RAB3GAP1: variants seen among roughly 807,000 people sequenced by gnomAD.
RAB3GAP1 encodes RAB3 GTPase activating protein catalytic subunit 1, also known as rab3 GTPase-activating protein catalytic subunit.
RAB3GAP1 carries 86 observed loss-of-function variants against 130.7 expected under a neutral mutation model. The observed-to-expected ratio is 0.66, with a 90% confidence interval of 0.55 to 0.79. The LOEUF (loss-of-function observed/expected upper bound fraction) is 0.79. Ranked by LOEUF, RAB3GAP1 falls within the 30% of genes least tolerant of loss-of-function variation. RAB3GAP1 has a pLI of 0.00. For synonymous variants in RAB3GAP1, 367 were observed against 401.7 expected, an observed-to-expected ratio of 0.91 and a Z score of 1.03; for missense variants, 1,029 against 1,169.4, an observed-to-expected ratio of 0.88 and a Z score of 1.75.
chr2:135,133,706 T>C (rs1357738093), intron 14 of RAB3GAP1, among the ~76,000 whole-genome samples, 155 bp from the exon 15 acceptor site: 1 of 152,154 alleles, frequency 6.6e-6, no homozygotes, highest in Non-Finnish European at 1.5e-5. Flanking sequence ...TTCCTAAGAA[T>C]AGTTTATGCA....
chr2:135,117,678 G>GCTTCTTCTT (rs201471272), intron 7 of RAB3GAP1, among the ~76,000 whole-genome samples: 6 of 98,468 alleles, frequency 6.1e-5, no homozygotes, highest in African/African-American at 1.9e-4. Context: ...TGCTTCTTCT[G>GCTTCTTCTT]CTTCTGCTTC....
At chr2:135,126,139 G>T (rs768586280) in intron 9 of RAB3GAP1, 42 bp from the exon 10 acceptor site, 1 of 1,368,846 alleles carries the variant, frequency 7.3e-7, no homozygotes, top group South Asian at 1.2e-5. Flanking sequence ...TATAATTGCT[G>T]AGTCAGTATT....
At chr2:135,086,394 A>G (rs1183636477) in intron 3 of RAB3GAP1, among the ~76,000 whole-genome samples, 1 of 152,104 alleles carries the variant, frequency 6.6e-6, no homozygotes, top group Non-Finnish European at 1.5e-5. Flanking sequence ...TCAGATTTTT[A>G]TATTTAGTCA....
At chr2:135,080,391 A>T (rs1198986550) in intron 3 of RAB3GAP1, among the ~76,000 whole-genome samples, 1 of 152,188 alleles carries the variant, frequency 6.6e-6, no homozygotes, top group Non-Finnish European at 1.5e-5. Flanking sequence ...AGATGAGAAG[A>T]TCATATATAC....
chr2:135,135,217 C>A (rs774655757), intron 15 of RAB3GAP1, 48 bp from the exon 16 acceptor site: 2 of 1,437,702 alleles, frequency 1.4e-6, no homozygotes, highest in African/African-American at 1.4e-5. Context: ...ATATCTGAAG[C>A]AATTTTACTA....
At chr2:135,056,230 TCTCA>T (rs1011276498) in intron 2 of RAB3GAP1, among the ~76,000 whole-genome samples, 1 of 151,966 alleles carries the variant, frequency 6.6e-6, no homozygotes, top group Non-Finnish European at 1.5e-5. Flanking sequence ...TGAGACAGAG[TCTCA>T]CTCTGTTGCC....
intron 7 of RAB3GAP1, among the ~76,000 whole-genome samples, chr2:135,116,991 T>G (rs866107969): frequency 3.9e-5 from 6 of 152,280 alleles, no homozygotes; most frequent in Middle Eastern, 6.8e-3. Context: ...GTTGAGGACC[T>G]AAATAGTGTA....
chr2:135,149,770 C>T (rs1692117770), intron 17 of RAB3GAP1, among the ~76,000 whole-genome samples: 1 of 152,148 alleles, frequency 6.6e-6, no homozygotes, highest in Admixed American at 6.5e-5. Flanking sequence ...TCTCTTGCCT[C>T]AGCCTCCTGA....
rs1479691691 is a variant in RAB3GAP1, at chr2:135,168,561, C to T, written c.2726C>T (p.Pro909Leu). Residue 909 changes from proline (P) to leucine (L), a missense_variant, in exon 24 of 24, where the codon CCA becomes CTA. Physicochemically the swap from Pro to Leu is moderately conservative, Grantham distance 98 (BLOSUM62 -3). This residue lies in a region of RAB3GAP1 where 146 missense variants were observed against 143.7 expected (regional missense o/e 1.02). Transcript: ENST00000264158. Reference protein sequence around the residue: ...VNAQRAAAMTPPEEELKRMGS... With the variant: ...VNAQRAAAMTLPEEELKRMGS... ...CTTTTCCAGGCTGCAGCTATGACTC[C>T]ACCAGAGGAGGAATTGAAGAGAATG... 3 of 1,614,140 alleles carry T rather than the reference C, an allele frequency of 1.9e-6. No homozygotes were observed. Among genetic ancestry groups the T allele is most frequent in the African/African-American group, 1.3e-5 (1 of 75,046 alleles).
intron 11 of RAB3GAP1, among the ~76,000 whole-genome samples, chr2:135,127,466 C>G (rs1691386753): frequency 6.6e-6 from 1 of 151,890 alleles, no homozygotes; most frequent in African/African-American, 2.4e-5. Flanking sequence ...GCTTCAGCCT[C>G]CGGAGTAGCT....
intron 7 of RAB3GAP1, among the ~76,000 whole-genome samples, chr2:135,120,283 TAGC>T (rs1223115310): frequency 6.6e-6 from 1 of 152,244 alleles, no homozygotes; most frequent in Non-Finnish European, 1.5e-5. Context: ...CTTTTTCTAA[TAGC>T]AGTTTAAACA....
chr2:135,125,730 A>AT (rs1691330639), intron 9 of RAB3GAP1, among the ~76,000 whole-genome samples: 1 of 152,162 alleles, frequency 6.6e-6, no homozygotes, highest in Non-Finnish European at 1.5e-5. Flanking sequence ...ATGGCACAAG[A>AT]TTTCATCATG....
chr2:135,154,199 T>C (rs1692248623), intron 19 of RAB3GAP1, among the ~76,000 whole-genome samples: 3 of 152,284 alleles, frequency 2.0e-5, no homozygotes, highest in Middle Eastern at 6.8e-3. Flanking sequence ...ATGAGAAATA[T>C]ACAAAGATCT....
At chr2:135,151,971 A>T (rs1031517499) in intron 18 of RAB3GAP1, among the ~76,000 whole-genome samples, 4 of 152,216 alleles carry the variant, frequency 2.6e-5, no homozygotes, top group Non-Finnish European at 5.9e-5. Context: ...CTTCAGCAAA[A>T]CTGTGATTCA....
At chr2:135,131,231 T>C (rs1691528810) in intron 13 of RAB3GAP1, among the ~76,000 whole-genome samples, 1 of 152,106 alleles carries the variant, frequency 6.6e-6, no homozygotes, top group Non-Finnish European at 1.5e-5. Flanking sequence ...TTATTTTATT[T>C]ATTTATTTTT....
intron 3 of RAB3GAP1, among the ~76,000 whole-genome samples, chr2:135,062,373 A>G (rs192590841): frequency 9.2e-5 from 14 of 152,356 alleles, no homozygotes; most frequent in African/African-American, 3.4e-4. Context: ...AGTTGTGACA[A>G]CCAAAATTGT....
intron 22 of RAB3GAP1, among the ~76,000 whole-genome samples, chr2:135,164,165 G>C (rs1692555588): frequency 6.6e-6 from 1 of 152,042 alleles, no homozygotes. Flanking sequence ...AAGCATATGT[G>C]CACGTGTGCG....
intron 7 of RAB3GAP1, among the ~76,000 whole-genome samples, chr2:135,116,530 T>G (rs1387810921): frequency 6.6e-6 from 1 of 152,174 alleles, no homozygotes; most frequent in African/African-American, 2.4e-5. Context: ...GATTGGATCC[T>G]TTTTCAAAAC....
intron 3 of RAB3GAP1, among the ~76,000 whole-genome samples, chr2:135,082,047 T>C (rs950567316): frequency 1.3e-5 from 2 of 151,780 alleles, no homozygotes; most frequent in African/African-American, 4.8e-5. Flanking sequence ...GAGGCTGAGG[T>C]GGGAGAACCG....
Sources: allele counts gnomAD v4.1 joint callset (sites outside exome capture counted in the v4.1 genomes callset), GRCh38; gene constraint gnomAD v4.1.1; regional missense constraint gnomAD v4.1.1; transcripts MANE v1.5; gene names NCBI Gene and HGNC (gene_info 2026-07-23, HGNC 2026-07-21).